ITSN1: variants seen among roughly 807,000 people sequenced by gnomAD.
The protein encoded by ITSN1 is intersectin-1.
In ITSN1, 58 loss-of-function variants were observed where a neutral mutation model predicts 239.8. The ratio of observed to expected loss-of-function variants is 0.24; its 90% CI spans 0.20 to 0.30. The LOEUF is 0.30. ITSN1 is among the 10% of genes least tolerant of loss of function. The pLI is 1.00. For missense variants in ITSN1, 1,558 were observed against 2,103.3 expected (o/e 0.74, Z 5.07); for synonymous variants, 780 against 770.8 (o/e 1.01, Z -0.20).
chr21:33,735,081 C>A lies in ITSN1; in HGVS notation c.223C>A (p.Gln75Lys). 1 of 1,613,620 alleles carries A rather than the reference C, an allele frequency of 6.2e-7. No individual in the cohort carries two copies. Among genetic ancestry groups the A allele is most frequent in the Non-Finnish European group, 8.5e-7 (1 of 1,179,782 alleles). The part of the protein sequence containing the change: ...ADMNNDGRMD[Q>K]VEFSIAMKLI... ...CATGAATAATGATGGAAGAATGGAT[C>A]AAGTGGAGTTTTCCATAGCTATGAA... Residue 75 changes from glutamine (Q) to lysine (K), a missense_variant, in exon 5 of 40, where the codon CAA becomes AAA. Gln to Lys is a moderately conservative substitution (Grantham distance 53). Around this residue, in one of 2 missense-constraint regions of ITSN1, gnomAD observed 982 missense variants for 1,209.9 expected, o/e 0.81. Coordinates refer to ENST00000381318, the MANE Select transcript of ITSN1 (RefSeq NM_003024.3).
At chr21:33,815,884 C>T (rs1330842826) in intron 22 of ITSN1, among the ~76,000 whole-genome samples, 1 of 111,460 alleles carries the variant, frequency 9.0e-6, no homozygotes, top group Admixed American at 8.8e-5. Flanking sequence ...ATGAGGGATC[C>T]GACAAAGAAG....
chr21:33,826,735 G>T, intron 25 of ITSN1, 83 bp from the exon 26 acceptor site: 1 of 1,238,034 alleles, frequency 8.1e-7, no homozygotes. Flanking sequence ...GGGCTCAAGC[G>T]GGTTTGTATC....
chr21:33,722,526 G>A (rs973142713), intron 3 of ITSN1, 62 bp from the exon 4 acceptor site: 7 of 1,518,652 alleles, frequency 4.6e-6, no homozygotes, highest in South Asian at 3.9e-5. Flanking sequence ...TGCTATTACA[G>A]GATTTCTGTC....
chr21:33,733,455 C>G (rs890782018), intron 4 of ITSN1, among the ~76,000 whole-genome samples: 1 of 151,950 alleles, frequency 6.6e-6, no homozygotes, highest in Non-Finnish European at 1.5e-5. Flanking sequence ...GGACTAACAA[C>G]CTTCTAATCA....
At chr21:33,668,283 C>T (rs1052736749) in intron 1 of ITSN1, among the ~76,000 whole-genome samples, 5 of 152,198 alleles carry the variant, frequency 3.3e-5, no homozygotes, top group African/African-American at 1.2e-4. Flanking sequence ...TTTTAGGATT[C>T]ATATTATTGA....
chr21:33,746,766 C>T (rs1213183133), intron 5 of ITSN1, among the ~76,000 whole-genome samples: 7 of 151,882 alleles, frequency 4.6e-5, no homozygotes, highest in South Asian at 2.1e-4. Flanking sequence ...CCCTTGAAGC[C>T]GGGAGGCAGA....
Position 33,890,842 on chromosome 21 carries a change from A to T in ITSN1, c.*2542A>T, listed in dbSNP as rs1052051011. On this transcript the variant is annotated 3_prime_UTR_variant, in exon 40 of 40. Coordinates refer to ENST00000381318, the MANE Select transcript of ITSN1 (RefSeq NM_003024.3). ...GTTCTCTAGGCCACTGCATCCCGGC[A>T]TCCTGATCCCAGCCTTTTAGACACC... The T allele has an allele frequency of 1.3e-5, 2 of 152,520 alleles. No homozygotes were observed. The highest frequency in any genetic ancestry group is 2.9e-5 in the Non-Finnish European group (2 of 68,220). The allele number at this position is 152,520 out of a possible 1,614,324, so 9.4% of individuals were successfully genotyped here. A position where few individuals can be genotyped will look rare whatever the true frequency, so the allele number is the denominator to read the frequency against.
At chr21:33,679,476 G>A (rs1329428877) in intron 1 of ITSN1, among the ~76,000 whole-genome samples, 2 of 152,066 alleles carry the variant, frequency 1.3e-5, no homozygotes, top group Admixed American at 6.6e-5. Flanking sequence ...TTAAGTTATT[G>A]CTTTCTACAT....
chr21:33,821,701 A>C (rs2073686994), intron 24 of ITSN1, among the ~76,000 whole-genome samples: 1 of 152,174 alleles, frequency 6.6e-6, no homozygotes, highest in Admixed American at 6.5e-5. Context: ...TTATACTGCA[A>C]TACCAAGTTC....
chr21:33,783,367 T>C (rs1003422942), intron 16 of ITSN1, among the ~76,000 whole-genome samples: 1 of 152,256 alleles, frequency 6.6e-6, no homozygotes, highest in African/African-American at 2.4e-5. Context: ...GAGGTATGTG[T>C]GCTGTTCTTT....
chr21:33,815,514 G>T (rs2073208259), intron 22 of ITSN1, among the ~76,000 whole-genome samples: 2 of 152,098 alleles, frequency 1.3e-5, no homozygotes, highest in African/African-American at 4.8e-5. Context: ...ACCTGGGAAG[G>T]AGAAGGATGA....
At chr21:33,782,421 C>T (rs1397745407) in intron 16 of ITSN1, among the ~76,000 whole-genome samples, 2 of 152,174 alleles carry the variant, frequency 1.3e-5, no homozygotes, top group African/African-American at 4.8e-5. Flanking sequence ...AAAGCTTTAT[C>T]TTTCTTATGT....
intron 34 of ITSN1, among the ~76,000 whole-genome samples, chr21:33,876,721 G>C (rs908909817): frequency 6.6e-6 from 1 of 152,140 alleles, no homozygotes; most frequent in Non-Finnish European, 1.5e-5. Context: ...GTGAGACCCT[G>C]TCTATACAAA....
chr21:33,697,991 C>G (rs755448998), intron 1 of ITSN1, among the ~76,000 whole-genome samples: 1 of 152,274 alleles, frequency 6.6e-6, no homozygotes, highest in Admixed American at 6.5e-5. Flanking sequence ...ACTGTTAATT[C>G]CATTTATCTC....
chr21:33,737,431 G>C (rs1175958652), intron 5 of ITSN1, among the ~76,000 whole-genome samples: 2 of 152,216 alleles, frequency 1.3e-5, no homozygotes, highest in East Asian at 3.9e-4. Flanking sequence ...GAAGTTACCA[G>C]TATATGATCT....
intron 15 of ITSN1, 102 bp downstream of exon 15, chr21:33,781,650 G>A: frequency 4.4e-6 from 3 of 682,424 alleles, no homozygotes; most frequent in East Asian, 3.0e-5. Flanking sequence ...GCGCAATCTC[G>A]GCCAACTGTA....
At chr21:33,708,382 A>C (rs919076734) in intron 1 of ITSN1, among the ~76,000 whole-genome samples, 38 of 150,552 alleles carry the variant, frequency 2.5e-4, no homozygotes, top group African/African-American at 9.3e-4. Context: ...CAGTTTACTA[A>C]TTTTTTCTTT....
Position 33,863,388 on chromosome 21 carries a change from G to A in ITSN1, c.3891-1763G>A, listed in dbSNP as rs559477278. 2.0e-5 allele frequency among the ~76,000 whole-genome samples: 3 copies of A among 152,360 alleles called. No homozygotes were observed. In the South Asian group the frequency reaches 6.2e-4, roughly 32 times the overall value. On this transcript the variant is annotated intron_variant, in intron 31 of 39. Coordinates refer to ENST00000381318, the MANE Select transcript of ITSN1 (RefSeq NM_003024.3). ...CCAGCGGCCGGGGCCGGGCACGGTGGCTCATGCCTATAATCCCAGCACTTT... is the reference window on the plus strand; with the variant it reads ...CCAGCGGCCGGGGCCGGGCACGGTGACTCATGCCTATAATCCCAGCACTTT...
chr21:33,778,508 A>G (rs1008618195), intron 14 of ITSN1, among the ~76,000 whole-genome samples: 6 of 151,042 alleles, frequency 4.0e-5, no homozygotes, highest in South Asian at 2.1e-4. Flanking sequence ...TTATCTGTCA[A>G]TGAACTTGTT....
Sources: gnomAD v4.1 joint callset for allele counts (sites outside exome capture counted in the v4.1 genomes callset) on GRCh38, gnomAD v4.1.1 for gene constraint, gnomAD v4.1.1 regional missense constraint, MANE v1.5 for transcripts, NCBI Gene and HGNC (gene_info 2026-07-23, HGNC 2026-07-21) for gene names.